The following NUP42 variants were observed in gnomAD, a reference collection of about 807,000 sequenced individuals.
The protein encoded by NUP42 is nucleoporin 42.
In NUP42, 47 loss-of-function variants were observed where a neutral mutation model predicts 35.9. That is an observed-to-expected ratio of 1.31 (90% CI 1.04 to 1.67). The LOEUF is 1.67. NUP42 is among the 40% of genes most tolerant of loss of function. The pLI, the probability that NUP42 is intolerant of heterozygous loss-of-function variation, is 0.00. For synonymous variants in NUP42, 173 were observed against 173.3 expected, an observed-to-expected ratio of 1.00 and a Z score of 0.01; for missense variants, 514 against 492.2, an observed-to-expected ratio of 1.04 and a Z score of -0.42.
At chr7:23,185,004 T>A (rs1008807846) in intron 1 of NUP42, 66 bp from the exon 2 acceptor site, 48 of 1,350,522 alleles carry the variant, frequency 3.6e-5, no homozygotes, top group Middle Eastern at 2.5e-4. Context: ...AGACCCTATC[T>A]CAATTAAAAA....
In NUP42 at chr7:23,197,382, G is replaced by A. The variant is rs532232367; in HGVS notation, c.609+616G>A. On this transcript the variant is annotated intron_variant, in intron 5 of 6. Coordinates refer to ENST00000258742, the MANE Select transcript of NUP42 (RefSeq NM_007342.3). ...TTCTACTCTGTATAAGGATATGAGA[G>A]TAATGTCTCCCTACACTTAGTGAAT... is the stretch of plus-strand genomic sequence containing the variant. 26 of 346,686 alleles carry A rather than the reference G, an allele frequency of 7.5e-5. No homozygotes were observed. The East Asian group carries it at 1.7e-3, about 23-fold the overall frequency. 21.5% of individuals were successfully genotyped at this position (346,686 alleles called of 1,614,324 possible). A position where few individuals can be genotyped will look rare whatever the true frequency, so the allele number is the denominator to read the frequency against.
chr7:23,182,742 C>CAAAAAAAA lies in NUP42; in HGVS notation c.121+552_121+559dup, dbSNP rs60397960. ...GAAACACCGTCTTTACTAAAAATACCAAAAAAAAAAAAAAAAAAAAAAATA... is the reference window on the plus strand; with the variant it reads ...GAAACACCGTCTTTACTAAAAATACCAAAAAAAAAAAAAAAAAAAAAAAAAAAAAAATA... On this transcript the variant is annotated intron_variant, in intron 1 of 6. Coordinates refer to ENST00000258742, the MANE Select transcript of NUP42 (RefSeq NM_007342.3). Among the ~76,000 whole-genome samples the CAAAAAAAA allele has an allele frequency of 8.5e-4, 63 of 74,136 alleles. 3 individuals carry two copies. Among genetic ancestry groups the CAAAAAAAA allele is most frequent in the African/African-American group, 1.3e-3 (22 of 16,974 alleles). The allele number at this position is 74,136 out of a possible 152,430, so 48.6% of individuals were successfully genotyped here.
intron 5 of NUP42, among the ~76,000 whole-genome samples, chr7:23,197,711 A>T (rs1786061140): frequency 6.6e-6 from 1 of 152,190 alleles, no homozygotes; most frequent in Non-Finnish European, 1.5e-5. Context: ...CAACCCACCC[A>T]TAGCTGACTT....
At chr7:23,197,122 A>G in intron 5 of NUP42, 1 of 819,474 alleles carries the variant, frequency 1.2e-6, no homozygotes, top group Non-Finnish European at 1.8e-6. Context: ...TTTAGAATGT[A>G]ATGTATCGTT....
At chr7:23,182,263 G>A (rs1785432866) in intron 1 of NUP42, 57 bp downstream of exon 1, 1 of 1,544,150 alleles carries the variant, frequency 6.5e-7, no homozygotes. Flanking sequence ...CGCCGGCGGG[G>A]ACCGGGCGTC....
At position 23,182,742 on chromosome 7, in the gene NUP42, CA is replaced by C. The variant is rs60397960; in HGVS notation, c.121+559del. Among the ~76,000 whole-genome samples the C allele has an allele frequency of 1.2e-3, 87 of 74,140 alleles. 1 individual carries two copies. The highest frequency in any genetic ancestry group is 3.0e-3 in the East Asian group (8 of 2,634). The allele number at this position is 74,140 out of a possible 152,430, so 48.6% of individuals were successfully genotyped here. Reference sequence around the variant, plus strand: ...GAAACACCGTCTTTACTAAAAATACCAAAAAAAAAAAAAAAAAAAAAAATAG... The same window carrying C: ...GAAACACCGTCTTTACTAAAAATACCAAAAAAAAAAAAAAAAAAAAAATAG... On this transcript the variant is annotated intron_variant, in intron 1 of 6. Coordinates refer to ENST00000258742, the MANE Select transcript of NUP42 (RefSeq NM_007342.3).
chr7:23,192,797 A>C (rs1785847396), intron 3 of NUP42, among the ~76,000 whole-genome samples: 1 of 152,138 alleles, frequency 6.6e-6, no homozygotes, highest in Non-Finnish European at 1.5e-5. Flanking sequence ...CAGAACTGCA[A>C]GGGTCCACTT....
In NUP42 at chr7:23,187,141, T is replaced by C. The variant is rs769841487; in HGVS notation, c.440T>C (p.Ile147Thr). The change falls in exon 3 of 7, where the codon ATT becomes ACT. Residue 147 changes from isoleucine to threonine, a missense_variant. Ile to Thr is a moderately conservative substitution (Grantham distance 89). Transcript: ENST00000258742. ...TCACCAGTGAAAAAGAAACCTAATA[T>C]TTCAGGTAACTGAAAAATTGTGCAT... ...VYSPVKKKPN[I>T]SGFTDISPEE... The C allele has an allele frequency of 1.2e-6, 2 of 1,600,960 alleles. No homozygotes were observed. The highest frequency in any genetic ancestry group is 1.7e-6 in the Non-Finnish European group (2 of 1,171,442).
intron 3 of NUP42, among the ~76,000 whole-genome samples, chr7:23,192,223 C>T (rs931845804): frequency 3.3e-5 from 5 of 152,040 alleles, no homozygotes; most frequent in African/African-American, 1.2e-4. Flanking sequence ...CTACTAATAA[C>T]GTACTGTAAG....
intron 3 of NUP42, among the ~76,000 whole-genome samples, chr7:23,193,768 C>A (rs1562608336): frequency 6.6e-6 from 1 of 152,190 alleles, no homozygotes; most frequent in Non-Finnish European, 1.5e-5. Flanking sequence ...GGACTGGGTG[C>A]CGGTGGAGCA....
At chr7:23,189,505 C>G (rs1785715775) in intron 3 of NUP42, among the ~76,000 whole-genome samples, 1 of 152,202 alleles carries the variant, frequency 6.6e-6, no homozygotes, top group South Asian at 2.1e-4. Context: ...CTCTTAGCTA[C>G]TCTGGAGGCT....
intron 3 of NUP42, among the ~76,000 whole-genome samples, chr7:23,193,458 G>A (rs1425620691): frequency 6.6e-6 from 1 of 152,116 alleles, no homozygotes; most frequent in African/African-American, 2.4e-5. Context: ...ACAGAGTGTG[G>A]ACACAAAGGT....
In NUP42 at chr7:23,183,886, C is replaced by CTTT. The variant is rs58061757; in HGVS notation, c.122-1167_122-1165dup. 2.2e-3 allele frequency among the ~76,000 whole-genome samples: 286 copies of CTTT among 128,790 alleles called. 1 individual carries two copies. Among genetic ancestry groups the CTTT allele is most frequent in the Non-Finnish European group, 3.7e-3 (225 of 60,774 alleles). 84.5% of individuals were successfully genotyped at this position (128,790 alleles called of 152,430 possible). A position where few individuals can be genotyped will look rare whatever the true frequency, so the allele number is the denominator to read the frequency against. ...GAGGGATCTGGTCTAGCAATCTCCA[C>CTTT]TTTTTTTTTTTTTTTTTTTAGGGTA... On this transcript the variant is annotated intron_variant, in intron 1 of 6. Coordinates refer to ENST00000258742, the MANE Select transcript of NUP42 (RefSeq NM_007342.3).
Position 23,185,215 on chromosome 7 carries a change from T to A in NUP42, c.267T>A (p.Thr89=), listed in dbSNP as rs1254855640. 6.2e-7 allele frequency: 1 copy of A among 1,614,164 alleles called. No homozygotes were observed. The highest frequency in any genetic ancestry group is 1.1e-5 in the South Asian group (1 of 91,080). ...YFSSFDSGAS[T]NRKEGFGLSE... is the part of the protein sequence containing the mutation. ...GTTCTTTTGATTCTGGAGCTTCAACTAACAGGAAGGAAGGCTTTGGATTGT... is the reference window on the plus strand; with the variant it reads ...GTTCTTTTGATTCTGGAGCTTCAACAAACAGGAAGGAAGGCTTTGGATTGT... Residue 89 remains threonine (T), a synonymous_variant, in exon 2 of 7, where the codon ACT becomes ACA. Transcript: ENST00000258742.
chr7:23,185,896 A>G (rs1488223264), intron 2 of NUP42, among the ~76,000 whole-genome samples: 2 of 151,988 alleles, frequency 1.3e-5, no homozygotes, highest in African/African-American at 4.8e-5. Context: ...CCTGCCACCA[A>G]GCCAGCTAAT....
Position 23,182,494 on chromosome 7 carries a change from A to G in NUP42, c.121+288A>G, listed in dbSNP as rs1030955822. 2.5e-6 allele frequency: 3 copies of G among 1,180,178 alleles called. No homozygotes were observed. In the Admixed American group the frequency reaches 1.2e-4, roughly 46 times the overall value. The allele number at this position is 1,180,178 out of a possible 1,614,324, so 73.1% of individuals were successfully genotyped here. On this transcript the variant is annotated intron_variant, in intron 1 of 6. Transcript: ENST00000258742. ...CCTATCGAAACTACCTTGTAGGTAA[A>G]TGCCGGAATTGAATATAATTTTTAC...
In NUP42 at chr7:23,182,161, A is replaced by G. The variant is rs948083955; in HGVS notation, c.76A>G (p.Arg26Gly). The part of the protein sequence containing the change: ...DRCWNEHPGA[R>G]GAGGGRQQPQ... ...GTGCTGGAACGAACATCCCGGTGCT[A>G]GGGGTGCAGGAGGAGGACGGCAGCA... Residue 26 changes from arginine to glycine, a missense_variant, in exon 1 of 7, where the codon AGG (arginine) becomes GGG (glycine). Coordinates refer to ENST00000258742, the MANE Select transcript of NUP42 (RefSeq NM_007342.3). 3 of 1,597,662 alleles carry G rather than the reference A, an allele frequency of 1.9e-6. No individual in the cohort carries two copies. Among genetic ancestry groups the G allele is most frequent in the African/African-American group, 2.7e-5 (2 of 74,856 alleles).
chr7:23,188,159 A>G (rs1785668786), intron 3 of NUP42: 16 of 1,315,726 alleles, frequency 1.2e-5, no homozygotes, highest in Admixed American at 3.8e-5. Flanking sequence ...CTTGCAATCA[A>G]TATCGCAGAA....
intron 1 of NUP42, among the ~76,000 whole-genome samples, chr7:23,183,342 C>G (rs1785480007): frequency 6.6e-6 from 1 of 152,124 alleles, no homozygotes; most frequent in African/African-American, 2.4e-5. Flanking sequence ...GCCTCAGTCT[C>G]CCGAGTAGCT....
Sources: gnomAD v4.1 joint callset for allele counts (sites outside exome capture counted in the v4.1 genomes callset) on GRCh38, gnomAD v4.1.1 for gene constraint, MANE v1.5 for transcripts, NCBI Gene and HGNC (gene_info 2026-07-23, HGNC 2026-07-21) for gene names.